Variants in LAMA2 observed in about 807,000 individuals in gnomAD.
LAMA2 encodes the protein laminin subunit alpha 2.
In LAMA2, 269 loss-of-function variants were observed where a neutral mutation model predicts 364.8. The observed-to-expected ratio is 0.74, with a 90% CI of 0.67 to 0.82. LAMA2 has a LOEUF of 0.82. Ranked by LOEUF, LAMA2 falls within the 40% of genes least tolerant of loss-of-function variation. LAMA2 has a pLI of 0.00. For missense variants in LAMA2, 3,807 were observed against 3,873.2 expected (o/e 0.98, Z 0.45); for synonymous variants, 1,379 against 1,370.6 (o/e 1.01, Z -0.14).
intron 17 of LAMA2, among the ~76,000 whole-genome samples, chr6:129,276,116 C>G (rs982935680): frequency 6.6e-6 from 1 of 151,836 alleles, no homozygotes; most frequent in Admixed American, 6.6e-5. Context: ...TTTTCTTTTT[C>G]TCCTCTTCCT....
rs557575482 is a variant in LAMA2 at position 129,326,720 on chromosome 6, T to C, written c.4177-1558T>C. Among the ~76,000 whole-genome samples the C allele has an allele frequency of 2.1e-4, 30 of 145,510 alleles. 1 individual carries two copies. In the South Asian group the frequency reaches 5.7e-3, roughly 28 times the overall value. ...ATATATAATTTTATATACATATTTA[T>C]ATATTATATATATTTTATATATTAT... On this transcript the variant is annotated intron_variant, in intron 28 of 64. Coordinates refer to ENST00000421865, the MANE Select transcript of LAMA2 (RefSeq NM_000426.4).
intron 10 of LAMA2, among the ~76,000 whole-genome samples, chr6:129,186,422 T>A (rs575481216): frequency 5.9e-5 from 9 of 151,732 alleles, no homozygotes; most frequent in Non-Finnish European, 1.3e-4. Context: ...TAATAAGGTA[T>A]AATATATGGT....
chr6:129,205,391 C>T (rs562743752), intron 12 of LAMA2, among the ~76,000 whole-genome samples: 1 of 131,762 alleles, frequency 7.6e-6, no homozygotes, highest in South Asian at 2.4e-4. Context: ...GGGATTCCAT[C>T]TCAAAAAAAA....
chr6:128,889,143 T>C (rs942428013), intron 1 of LAMA2, among the ~76,000 whole-genome samples: 14 of 152,230 alleles, frequency 9.2e-5, no homozygotes, highest in African/African-American at 2.9e-4. Flanking sequence ...TCCAGTGTAG[T>C]TAGAAATATG....
chr6:128,948,606 G>A (rs116632691), intron 1 of LAMA2, among the ~76,000 whole-genome samples: 6 of 152,260 alleles, frequency 3.9e-5, no homozygotes, highest in South Asian at 4.1e-4. Flanking sequence ...CCTTCAAATC[G>A]CATGTTGAAA....
At chr6:129,174,826 TCTAC>T (rs527412635) in intron 9 of LAMA2, among the ~76,000 whole-genome samples, 160 of 152,224 alleles carry the variant, frequency 1.1e-3, no homozygotes, top group African/African-American at 3.2e-3. Flanking sequence ...TTTCGATCTA[TCTAC>T]CTACCTACCT....
intron 20 of LAMA2, chr6:129,292,853 C>T (rs1789809019): frequency 1.0e-6 from 1 of 985,638 alleles, no homozygotes; most frequent in Non-Finnish European, 1.2e-6. Flanking sequence ...TATGTGACTG[C>T]GATCCCGTTG....
chr6:129,148,901 A>G (rs1778637062), intron 6 of LAMA2, 78 bp from the exon 7 acceptor site: 2 of 947,344 alleles, frequency 2.1e-6, no homozygotes, highest in South Asian at 2.6e-5. Flanking sequence ...TCTTTTCTTC[A>G]TAGTACCTTT....
intron 12 of LAMA2, among the ~76,000 whole-genome samples, chr6:129,211,365 A>G (rs1209307814): frequency 6.6e-6 from 1 of 152,150 alleles, no homozygotes; most frequent in Non-Finnish European, 1.5e-5. Context: ...TATTACAGGA[A>G]AAAACCATCT....
intron 1 of LAMA2, among the ~76,000 whole-genome samples, chr6:128,965,979 G>GTTTTTTTTTTT (rs11342050): frequency 2.7e-5 from 3 of 112,794 alleles, no homozygotes; most frequent in African/African-American, 3.4e-5. Context: ...TAAACCAGAG[G>GTTTTTTTTTTT]TTTTTTTTTT....
chr6:129,304,558 C>T lies in LAMA2; in HGVS notation c.3174+3686C>T, dbSNP rs531579010. 3.5e-4 allele frequency among the ~76,000 whole-genome samples: 54 copies of T among 152,306 alleles called. 1 individual carries two copies. The highest frequency in any genetic ancestry group is 1.0e-3 in the African/African-American group (42 of 41,560). ...GATTACAGGCGTGAGCCACCGTGCC[C>T]GGCCAATTGTGTTCCAAGTTTCTTA... On this transcript the variant is annotated intron_variant, in intron 22 of 64. Coordinates refer to ENST00000421865, the MANE Select transcript of LAMA2 (RefSeq NM_000426.4).
chr6:129,385,833 C>A (rs953097249), intron 35 of LAMA2, among the ~76,000 whole-genome samples: 1 of 152,140 alleles, frequency 6.6e-6, no homozygotes, highest in African/African-American at 2.4e-5. Context: ...GTATTACTTT[C>A]TATTCTTAAT....
At chr6:129,415,876 T>C (rs1780758632) in intron 40 of LAMA2, among the ~76,000 whole-genome samples, 2 of 151,602 alleles carry the variant, frequency 1.3e-5, no homozygotes, top group African/African-American at 4.8e-5. Flanking sequence ...CCCATGGTGG[T>C]GTGGCTAGGA....
chr6:129,177,954 AT>A, intron 10 of LAMA2, 88 bp downstream of exon 10: 7 of 1,300,466 alleles, frequency 5.4e-6, no homozygotes. Context: ...GCATTAAGCA[AT>A]TTTAATGACT....
Position 129,366,182 on chromosome 6 carries a change from G to A in LAMA2, c.4718-37G>A, listed in dbSNP as rs115237621. On this transcript the variant is annotated intron_variant, in intron 32 of 64. Coordinates refer to ENST00000421865, the MANE Select transcript of LAMA2 (RefSeq NM_000426.4). ...TTTGAACATCTGCCTGGGATGTTTA[G>A]CAGAAGTAACTACTCTTTGTCACTT... 932 of 1,609,702 alleles carry A rather than the reference G, an allele frequency of 5.8e-4. 4 individuals are homozygous for A. In the African/African-American group the frequency reaches 0.011, roughly 19 times the overall value.
At chr6:129,077,485 G>C (rs1773736573) in intron 3 of LAMA2, among the ~76,000 whole-genome samples, 1 of 152,046 alleles carries the variant, frequency 6.6e-6, no homozygotes, top group Admixed American at 6.6e-5. Flanking sequence ...TTTGTAAATA[G>C]ATAACATTCT....
chr6:129,114,972 C>T (rs528007402), intron 4 of LAMA2, among the ~76,000 whole-genome samples: 10 of 152,090 alleles, frequency 6.6e-5, no homozygotes, highest in South Asian at 6.2e-4. Context: ...CCAGAAAAAT[C>T]GGTAACAAAA....
At chr6:129,368,846 C>G (rs567105669) in intron 33 of LAMA2, among the ~76,000 whole-genome samples, 4 of 152,326 alleles carry the variant, frequency 2.6e-5, no homozygotes, top group African/African-American at 9.6e-5. Flanking sequence ...TATTTCACCT[C>G]TTTGCTCAAT....
chr6:129,093,390 T>C (rs534167212), intron 3 of LAMA2, among the ~76,000 whole-genome samples: 26 of 152,066 alleles, frequency 1.7e-4, no homozygotes, highest in Non-Finnish European at 1.3e-4. Flanking sequence ...TGAGCTAAGA[T>C]ATTAAGCTGC....
Sources: allele counts gnomAD v4.1 joint callset (sites outside exome capture counted in the v4.1 genomes callset), GRCh38; gene constraint gnomAD v4.1.1; transcripts MANE v1.5; gene names NCBI Gene and HGNC (gene_info 2026-07-23, HGNC 2026-07-21).